PLEKHA2: variants seen among roughly 807,000 people sequenced by gnomAD.
PLEKHA2 encodes the protein pleckstrin homology domain containing A2, also known as pleckstrin homology domain-containing family A member 2.
PLEKHA2 carries 28 observed loss-of-function variants against 53.2 expected under a neutral mutation model. The ratio of observed to expected loss-of-function variants is 0.53; its 90% CI spans 0.39 to 0.72. The LOEUF is 0.72. Ranked by LOEUF, PLEKHA2 falls within the 30% of genes least tolerant of loss-of-function variation. The pLI is 0.00. For missense variants in PLEKHA2, 426 were observed against 537.9 expected (o/e 0.79, Z 2.06); for synonymous variants, 193 against 196.4 (o/e 0.98, Z 0.14).
chr8:38,902,460 C>T (rs1378295381), intron 1 of PLEKHA2, among the ~76,000 whole-genome samples: 1 of 152,034 alleles, frequency 6.6e-6, no homozygotes, highest in African/African-American at 2.4e-5. Flanking sequence ...CTTTAGGGCT[C>T]CAAGTGGGGT....
intron 10 of PLEKHA2, among the ~76,000 whole-genome samples, chr8:38,963,809 A>G (rs10808999): frequency 0.9 from 136,830 of 152,284 alleles, 61,636 homozygotes; most frequent in African/African-American, 0.96. Flanking sequence ...TTTATTAGGG[A>G]GTAGCATTTA....
chr8:38,924,532 G>GTGAGCC (rs1366993424), intron 2 of PLEKHA2, among the ~76,000 whole-genome samples: 2 of 152,200 alleles, frequency 1.3e-5, no homozygotes, highest in Non-Finnish European at 2.9e-5. Context: ...GAGCGCTGGG[G>GTGAGCC]TGAGTCATGC....
rs1203607576 is a variant in PLEKHA2, at chr8:38,905,035, G to A, written c.-24+3590G>A. Among the ~76,000 whole-genome samples the A allele has an allele frequency of 2.6e-5, 4 of 151,864 alleles. No homozygotes were observed. The East Asian group carries it at 5.8e-4, about 22-fold the overall frequency. ...CTGAAGACTTAAGCAACTTTTCTGC[G>A]TTTGAATCCAGGTCTGTCTGGCTCA... On this transcript the variant is annotated intron_variant, in intron 1 of 11. Transcript: ENST00000617275.
At chr8:38,907,517 C>T (rs1387119045) in intron 1 of PLEKHA2, among the ~76,000 whole-genome samples, 2 of 152,158 alleles carry the variant, frequency 1.3e-5, no homozygotes, top group Admixed American at 1.3e-4. Context: ...GTGGCTCATG[C>T]CTATAATCCC....
At chr8:38,956,509 G>A (rs781661035) in intron 9 of PLEKHA2, among the ~76,000 whole-genome samples, 8 of 152,172 alleles carry the variant, frequency 5.3e-5, no homozygotes, top group Non-Finnish European at 1.0e-4. Flanking sequence ...GTAATTAAAA[G>A]CATAGGCTCA....
At chr8:38,968,397 A>G (rs1835180176) in intron 10 of PLEKHA2, among the ~76,000 whole-genome samples, 195 bp from the exon 11 acceptor site, 1 of 152,130 alleles carries the variant, frequency 6.6e-6, no homozygotes. Context: ...GAGCGGTTTT[A>G]TTTATTGGGT....
At chr8:38,923,514 G>A (rs879445916) in intron 2 of PLEKHA2, among the ~76,000 whole-genome samples, 1 of 152,118 alleles carries the variant, frequency 6.6e-6, no homozygotes, top group African/African-American at 2.4e-5. Context: ...GCCTGTAGGT[G>A]ATCCTTACGT....
At chr8:38,952,809 A>G in intron 8 of PLEKHA2, 105 bp downstream of exon 8, 2 of 1,173,708 alleles carry the variant, frequency 1.7e-6, no homozygotes, top group Non-Finnish European at 2.5e-6. Flanking sequence ...GGGCACACAA[A>G]GACTTCAAAG....
Position 38,973,898 on chromosome 8 carries a change from T to G in PLEKHA2, c.*4115T>G. 3.4e-6 allele frequency: 1 copy of G among 295,690 alleles called. No homozygotes were observed. Among genetic ancestry groups the G allele is most frequent in the Non-Finnish European group, 6.3e-6 (1 of 159,364 alleles). The allele number at this position is 295,690 out of a possible 1,614,324, so 18.3% of individuals were successfully genotyped here. ...TGTGGCTTGTTTTGTAATAAAACCATGTGAAATACTGAAATATGGTCATGT... is the reference window on the plus strand; with the variant it reads ...TGTGGCTTGTTTTGTAATAAAACCAGGTGAAATACTGAAATATGGTCATGT... On this transcript the variant is annotated 3_prime_UTR_variant, in exon 12 of 12. Transcript: ENST00000617275.
chr8:38,953,212 T>G, intron 8 of PLEKHA2, 85 bp from the exon 9 acceptor site: 1 of 1,077,372 alleles, frequency 9.3e-7, no homozygotes, highest in Non-Finnish European at 1.4e-6. Context: ...CAACCATCTC[T>G]GAGAAAGGGG....
At chr8:38,902,074 G>C (rs62503456) in intron 1 of PLEKHA2, 22,692 of 152,254 alleles carry the variant, frequency 0.15, 2,052 homozygotes, top group South Asian at 0.24. Flanking sequence ...ATGCAGGTTC[G>C]GTGCCAGGTT....
Position 38,970,414 on chromosome 8 carries a change from T to A in PLEKHA2, c.*631T>A, listed in dbSNP as rs1390760865. 2 of 164,384 alleles carry A rather than the reference T, an allele frequency of 1.2e-5. No individual in the cohort carries two copies. Among genetic ancestry groups the A allele is most frequent in the African/African-American group, 4.8e-5 (2 of 41,886 alleles). The allele number at this position is 164,384 out of a possible 1,614,324, so 10.2% of individuals were successfully genotyped here. A position where few individuals can be genotyped will look rare whatever the true frequency, so the allele number is the denominator to read the frequency against. On this transcript the variant is annotated 3_prime_UTR_variant, in exon 12 of 12. Transcript: ENST00000617275. ...AAAAGAATCTAGAGAGAGATATATA[T>A]TTTTAATGAAATAGAAGCTTGGCAT...
At chr8:38,967,445 G>A (rs770626402) in intron 10 of PLEKHA2, among the ~76,000 whole-genome samples, 1 of 152,098 alleles carries the variant, frequency 6.6e-6, no homozygotes. Context: ...TTCCATAAAG[G>A]TTGTACTAAT....
Position 38,928,495 on chromosome 8 carries a change from C to T in PLEKHA2, c.142-7499C>T, listed in dbSNP as rs372931664. Among the ~76,000 whole-genome samples, 96 of 152,136 alleles carry T rather than the reference C, an allele frequency of 6.3e-4. 1 individual carries two copies. The highest frequency in any genetic ancestry group is 9.7e-4 in the Non-Finnish European group (66 of 67,996). On this transcript the variant is annotated intron_variant, in intron 2 of 11. Transcript: ENST00000617275. ...AACTCCTGACCTCAAGTGATCCACC[C>T]GCCTTGGCCTCCCAAAGTGTTGAGA... is the stretch of plus-strand genomic sequence containing the variant.
chr8:38,913,768 C>T (rs1463486822), intron 1 of PLEKHA2, among the ~76,000 whole-genome samples: 2 of 152,190 alleles, frequency 1.3e-5, no homozygotes, highest in Admixed American at 6.5e-5. Flanking sequence ...AGCGCCAGAC[C>T]ACTCCCCTTG....
chr8:38,938,055 T>C (rs915769155), intron 3 of PLEKHA2, among the ~76,000 whole-genome samples: 3 of 152,166 alleles, frequency 2.0e-5, no homozygotes, highest in Non-Finnish European at 2.9e-5. Context: ...ACAGAACCAG[T>C]TCTTAGCAAA....
At chr8:38,914,804 G>A (rs968674710) in intron 1 of PLEKHA2, among the ~76,000 whole-genome samples, 2 of 152,214 alleles carry the variant, frequency 1.3e-5, no homozygotes, top group Non-Finnish European at 2.9e-5. Context: ...AGAGGCCTAA[G>A]AAAATTGCAA....
chr8:38,959,401 G>A (rs999024075), intron 10 of PLEKHA2, among the ~76,000 whole-genome samples: 1 of 152,206 alleles, frequency 6.6e-6, no homozygotes, highest in Non-Finnish European at 1.5e-5. Context: ...TGAAGAGCTC[G>A]TATTTTATCC....
chr8:38,932,427 G>A (rs1177816510), intron 2 of PLEKHA2, among the ~76,000 whole-genome samples: 1 of 152,236 alleles, frequency 6.6e-6, no homozygotes, highest in African/African-American at 2.4e-5. Flanking sequence ...CTTCAGGGAA[G>A]AGAGTCCTGA....
Sources: gnomAD v4.1 joint callset for allele counts (sites outside exome capture counted in the v4.1 genomes callset) on GRCh38, gnomAD v4.1.1 for gene constraint, MANE v1.5 for transcripts, NCBI Gene and HGNC (gene_info 2026-07-23, HGNC 2026-07-21) for gene names.